Variants in IRAG2 observed in about 807,000 individuals in gnomAD.
IRAG2 encodes inositol 1,4,5-triphosphate receptor associated 2.
In IRAG2, 45 loss-of-function variants were observed where a neutral mutation model predicts 69.9. The ratio of observed to expected loss-of-function variants is 0.64; its 90% CI spans 0.51 to 0.83. The LOEUF is 0.83. Ranked by LOEUF, IRAG2 falls within the 40% of genes least tolerant of loss-of-function variation. The pLI is 0.00. For missense variants in IRAG2, 520 were observed against 587.0 expected (o/e 0.89, Z 1.18); for synonymous variants, 193 against 202.4 (o/e 0.95, Z 0.40).
intron 7 of IRAG2, among the ~76,000 whole-genome samples, chr12:25,023,084 C>T (rs1220021333): frequency 1.4e-5 from 2 of 147,224 alleles, no homozygotes; most frequent in African/African-American, 5.1e-5. Context: ...CGAGATCGCA[C>T]TATTGTACCC....
chr12:25,053,059 A>G (rs1307996208), intron 1 of IRAG2, 103 bp downstream of exon 1: 2 of 396,640 alleles, frequency 5.0e-6, no homozygotes, highest in East Asian at 7.1e-5. Context: ...ATTATTCCTG[A>G]GTTTATGACA....
chr12:25,077,361 G>GAGATATATATATGAA lies in IRAG2; in HGVS notation c.25-1882_25-1881insGATATATATATGAAA. ...TATGAAATATATATATGATATATAT[G>GAGATATATATATGAA]ATATATATGAAATATATATATGATA... On this transcript the variant is annotated intron_variant, in intron 6 of 21. Transcript: ENST00000556887. 2.3e-4 allele frequency among the ~76,000 whole-genome samples: 3 copies of GAGATATATATATGAA among 12,826 alleles called. 1 individual carries two copies. Among genetic ancestry groups the GAGATATATATATGAA allele is most frequent in the Admixed American group, 1.2e-3 (1 of 802 alleles). The allele number at this position is 12,826 out of a possible 152,430, so 8.4% of individuals were successfully genotyped here.
intron 10 of IRAG2, among the ~76,000 whole-genome samples, chr12:25,087,020 T>TA (rs1266263155): frequency 6.6e-6 from 1 of 152,136 alleles, no homozygotes; most frequent in African/African-American, 2.4e-5. Context: ...AAACTCCATG[T>TA]GATAGCCCTA....
chr12:25,067,372 C>A (rs865885604), intron 5 of IRAG2, among the ~76,000 whole-genome samples: 19 of 152,284 alleles, frequency 1.2e-4, no homozygotes, highest in South Asian at 6.2e-4. Flanking sequence ...ACTTCTCCAG[C>A]CGACATGAAA....
intron 10 of IRAG2, chr12:25,030,458 C>T: frequency 1.9e-6 from 1 of 538,306 alleles, no homozygotes; most frequent in East Asian, 3.7e-5. Flanking sequence ...ATGATCTCAG[C>T]TCACTGCAAC....
rs1252222253 is a variant in IRAG2, at chr12:25,079,692, A to G, written c.173A>G (p.Asp58Gly). 6.2e-7 allele frequency: 1 copy of G among 1,613,918 alleles called. No homozygotes were observed. Among genetic ancestry groups the G allele is most frequent in the Non-Finnish European group, 8.5e-7 (1 of 1,179,834 alleles). The change falls in exon 9 of 22, where the codon GAC (aspartate) becomes GGC (glycine). Residue 58 changes from aspartate to glycine, a missense_variant. Transcript: ENST00000556887. ...GLEILNMASC[D>G]LDRNSLCKKE... ...GAAATTCTGAATATGGCTTCTTGTG[A>G]CCTTGACAGAAACTCGCTCTGTAAG... is the stretch of plus-strand genomic sequence containing the variant.
chr12:25,056,311 C>T lies in IRAG2; in HGVS notation c.-447+3355C>T, dbSNP rs183527461. 1.3e-3 allele frequency among the ~76,000 whole-genome samples: 199 copies of T among 152,238 alleles called. 2 individuals carry two copies. Among genetic ancestry groups the T allele is most frequent in the Admixed American group, 7.8e-3 (119 of 15,296 alleles). ...TTAAAGATAGAAGGTTTTGGGGTGA[C>T]GGCCAAGGAGAAAACCAAAGCCAAA... On this transcript the variant is annotated intron_variant, in intron 1 of 21. Coordinates refer to ENST00000556887, the MANE Select transcript of IRAG2 (RefSeq NM_001366544.2).
intron 3 of IRAG2, chr12:25,015,111 AAGAC>A: frequency 2.3e-6 from 1 of 436,340 alleles, no homozygotes; most frequent in Non-Finnish European, 3.1e-6. Flanking sequence ...AAAAAAAAAA[AAGAC>A]AAAACTTGGT....
chr12:25,015,265 T>C (rs1944517648), intron 4 of IRAG2: 17 of 1,229,958 alleles, frequency 1.4e-5, no homozygotes, highest in Middle Eastern at 3.1e-4. Context: ...GGAACAAGTA[T>C]GTATGTGTTT....
chr12:25,056,201 A>G (rs923898972), intron 1 of IRAG2, among the ~76,000 whole-genome samples: 3 of 152,152 alleles, frequency 2.0e-5, no homozygotes, highest in Non-Finnish European at 4.4e-5. Context: ...TGGATTCAAG[A>G]TGAAAGCCGT....
At chr12:25,068,343 C>T (rs753616237) in intron 5 of IRAG2, among the ~76,000 whole-genome samples, 5 of 152,164 alleles carry the variant, frequency 3.3e-5, no homozygotes, top group South Asian at 2.1e-4. Context: ...GGAAATGTCT[C>T]GAGCACAGGA....
chr12:25,077,987 T>C (rs1326904198), intron 6 of IRAG2, among the ~76,000 whole-genome samples: 2 of 152,222 alleles, frequency 1.3e-5, no homozygotes, highest in East Asian at 3.8e-4. Context: ...TCTTTTCCTC[T>C]CCAATAGCCT....
At chr12:25,008,994 A>T (rs1398800292) in intron 2 of IRAG2, among the ~76,000 whole-genome samples, 1 of 151,998 alleles carries the variant, frequency 6.6e-6, no homozygotes, top group Non-Finnish European at 1.5e-5. Context: ...TTGGATATTA[A>T]TTTTTTCTGC....
upstream of IRAG2, among the ~76,000 whole-genome samples, chr12:25,050,561 A>C (rs1013086470): frequency 1.3e-5 from 2 of 148,394 alleles, no homozygotes; most frequent in South Asian, 4.3e-4. Context: ...ACAAAAAAAA[A>C]CAGTTACAGA....
chr12:25,090,630 G>A (rs922070143), intron 14 of IRAG2, among the ~76,000 whole-genome samples: 5 of 152,168 alleles, frequency 3.3e-5, no homozygotes, highest in African/African-American at 1.2e-4. Context: ...TTACTTGTAT[G>A]ACCCAAACCA....
At chr12:25,073,611 C>G (rs11047811) in intron 6 of IRAG2, among the ~76,000 whole-genome samples, 48,987 of 152,008 alleles carry the variant, frequency 0.32, 8,477 homozygotes, top group East Asian at 0.66. Flanking sequence ...GAGCAAAGAA[C>G]GCTAACAAGG....
chr12:25,081,460 T>C (rs1947211112), intron 9 of IRAG2, among the ~76,000 whole-genome samples: 1 of 152,192 alleles, frequency 6.6e-6, no homozygotes, highest in South Asian at 2.1e-4. Context: ...CAAGACTCCG[T>C]CTCAAATATA....
At chr12:25,001,431 C>T (rs763705230), upstream of IRAG2, among the ~76,000 whole-genome samples, 1 of 151,584 alleles carries the variant, frequency 6.6e-6, no homozygotes, top group Non-Finnish European at 1.5e-5. Context: ...GGGTAACAGA[C>T]CAAGACCCTG....
At chr12:25,100,024 A>AAAAAAAAAAAAAAAAC (rs1948664196) in intron 15 of IRAG2, among the ~76,000 whole-genome samples, 1 of 140,658 alleles carries the variant, frequency 7.1e-6, no homozygotes, top group Non-Finnish European at 1.6e-5. Flanking sequence ...AAAAAAAAAA[A>AAAAAAAAAAAAAAAAC]ATGGGCAAAA....
Sources: gnomAD v4.1 joint callset for allele counts (sites outside exome capture counted in the v4.1 genomes callset) on GRCh38, gnomAD v4.1.1 for gene constraint, MANE v1.5 for transcripts, NCBI Gene and HGNC (gene_info 2026-07-23, HGNC 2026-07-21) for gene names.